PARM1: variants seen among roughly 807,000 people sequenced by gnomAD.
The protein encoded by PARM1 is prostate androgen-regulated mucin-like protein 1, also known as WSC4, cell wall integrity and stress response component 4 homolog.
Under a neutral mutation model 24.6 loss-of-function variants are expected in PARM1, and 14 were observed. That is an observed-to-expected ratio of 0.57 (90% CI 0.38 to 0.89). PARM1 has a LOEUF of 0.89. Among genes scored for constraint, PARM1 ranks in the 40% least tolerant of loss-of-function variants. The pLI is 0.00. For synonymous variants in PARM1, 179 were observed against 156.6 expected, an observed-to-expected ratio of 1.14 and a Z score of -1.07; for missense variants, 362 against 380.4, an observed-to-expected ratio of 0.95 and a Z score of 0.40.
intron 1 of PARM1, among the ~76,000 whole-genome samples, chr4:75,005,295 A>T (rs1017344459): frequency 2.0e-5 from 3 of 152,230 alleles, no homozygotes; most frequent in African/African-American, 7.2e-5. Flanking sequence ...AAGTTTGCCA[A>T]AGCTTTGCCA....
At chr4:74,954,454 G>T (rs1199706523) in intron 1 of PARM1, among the ~76,000 whole-genome samples, 1 of 152,160 alleles carries the variant, frequency 6.6e-6, no homozygotes, top group Non-Finnish European at 1.5e-5. Flanking sequence ...AGGACTTACT[G>T]CAAAGTTTCT....
chr4:74,993,537 A>G (rs1311264161), intron 1 of PARM1, among the ~76,000 whole-genome samples: 2 of 152,206 alleles, frequency 1.3e-5, no homozygotes, highest in Admixed American at 6.5e-5. Context: ...TTATGCAGCC[A>G]TGTATAACTG....
intron 1 of PARM1, among the ~76,000 whole-genome samples, chr4:74,936,446 TTTGTTTG>T (rs386676132): frequency 1.7e-5 from 2 of 117,892 alleles, no homozygotes; most frequent in African/African-American, 2.7e-5. Flanking sequence ...GTGTTTTTTT[TTTGTTTG>T]TTTTTTTGTT....
At chr4:75,020,756 G>C (rs796631952) in intron 2 of PARM1, among the ~76,000 whole-genome samples, 5 of 152,232 alleles carry the variant, frequency 3.3e-5, no homozygotes, top group African/African-American at 1.2e-4. Flanking sequence ...GAGCGCCTGT[G>C]TCTCCCTCTT....
intron 1 of PARM1, among the ~76,000 whole-genome samples, chr4:74,989,631 C>A (rs1722425179): frequency 6.6e-6 from 1 of 152,052 alleles, no homozygotes; most frequent in Non-Finnish European, 1.5e-5. Context: ...AATCATTGGC[C>A]ACTGATGATC....
At chr4:74,950,964 G>A (rs377056917) in intron 1 of PARM1, among the ~76,000 whole-genome samples, 1 of 152,230 alleles carries the variant, frequency 6.6e-6, no homozygotes, top group East Asian at 1.9e-4. Context: ...AGGAACGGAG[G>A]AAAGGATGGA....
chr4:75,019,820 G>T (rs911676413), intron 2 of PARM1, among the ~76,000 whole-genome samples: 1 of 151,036 alleles, frequency 6.6e-6, no homozygotes, highest in Non-Finnish European at 1.5e-5. Flanking sequence ...TGGCTAACAA[G>T]GTGAAACCCC....
chr4:74,952,620 G>A (rs992525273), intron 1 of PARM1, among the ~76,000 whole-genome samples: 19 of 152,116 alleles, frequency 1.2e-4, no homozygotes, highest in African/African-American at 4.6e-4. Context: ...TAAGGAAGGG[G>A]TCCAGTTTCA....
At chr4:74,956,653 A>G (rs1207073060) in intron 1 of PARM1, 1 of 152,156 alleles carries the variant, frequency 6.6e-6, no homozygotes, top group Non-Finnish European at 1.5e-5. Context: ...TGTGAGAGAG[A>G]TTTAGCACAA....
At chr4:75,002,156 A>C (rs1028537162) in intron 1 of PARM1, among the ~76,000 whole-genome samples, 2 of 152,210 alleles carry the variant, frequency 1.3e-5, no homozygotes, top group East Asian at 3.9e-4. Context: ...TCAGGAAAAG[A>C]AGTGGACAAG....
At chr4:75,013,321 AT>A (rs1722917513) in intron 2 of PARM1, among the ~76,000 whole-genome samples, 171 bp downstream of exon 2, 1 of 152,220 alleles carries the variant, frequency 6.6e-6, no homozygotes, top group East Asian at 1.9e-4. Context: ...TCACTTAACA[AT>A]TTTCATGATT....
intron 1 of PARM1, among the ~76,000 whole-genome samples, chr4:74,966,106 A>G (rs924275967): frequency 2.0e-5 from 3 of 152,236 alleles, no homozygotes; most frequent in African/African-American, 7.2e-5. Context: ...TTAAAGGTAA[A>G]GCCTCAAAAC....
intron 1 of PARM1, among the ~76,000 whole-genome samples, chr4:74,972,144 G>A (rs1722050987): frequency 6.6e-6 from 1 of 152,214 alleles, no homozygotes; most frequent in African/African-American, 2.4e-5. Context: ...GTGGAGCAGT[G>A]CTGCCCACAT....
chr4:75,022,906 T>G (rs977316172), intron 2 of PARM1, among the ~76,000 whole-genome samples: 1 of 152,216 alleles, frequency 6.6e-6, no homozygotes, highest in African/African-American at 2.4e-5. Flanking sequence ...GTGCATATAA[T>G]AGATGCTAAC....
chr4:74,985,878 C>CCAGCCT (rs991421537), intron 1 of PARM1, among the ~76,000 whole-genome samples: 1 of 152,158 alleles, frequency 6.6e-6, no homozygotes, highest in Admixed American at 6.5e-5. Context: ...AAGTGATTCT[C>CCAGCCT]CAGCCTCAGC....
chr4:74,964,577 A>ACACACACACT (rs377411929), intron 1 of PARM1, among the ~76,000 whole-genome samples: 1,768 of 152,034 alleles, frequency 0.012, 26 homozygotes, highest in African/African-American at 0.04. Context: ...ACACACACAC[A>ACACACACACT]CATTGCATCC....
chr4:75,046,350 GC>G lies in PARM1; in HGVS notation c.*106del. On this transcript the variant is annotated 3_prime_UTR_variant, in exon 4 of 4. Transcript: ENST00000307428. ...GATGCGCATTGAACGACAATCTTAA[GC>G]CCTGTTTTGTTGGTATGGTTGTTTT... The G allele has an allele frequency of 1.4e-6, 1 of 740,142 alleles. No individual in the cohort carries two copies. The allele number at this position is 740,142 out of a possible 1,614,324, so 45.8% of individuals were successfully genotyped here. A position where few individuals can be genotyped will look rare whatever the true frequency, so the allele number is the denominator to read the frequency against.
At chr4:74,979,869 C>T (rs749355694) in intron 1 of PARM1, among the ~76,000 whole-genome samples, 1 of 152,160 alleles carries the variant, frequency 6.6e-6, no homozygotes, top group East Asian at 1.9e-4. Context: ...ACAAAAACCA[C>T]ATGATTATCT....
intron 2 of PARM1, among the ~76,000 whole-genome samples, chr4:75,020,822 C>T (rs745677401): frequency 9.2e-5 from 14 of 152,200 alleles, no homozygotes; most frequent in Non-Finnish European, 1.0e-4. Context: ...CAACCCATCA[C>T]TTCACCTGGT....
Sources: allele counts gnomAD v4.1 joint callset (sites outside exome capture counted in the v4.1 genomes callset), GRCh38; gene constraint gnomAD v4.1.1; transcripts MANE v1.5; gene names NCBI Gene and HGNC (gene_info 2026-07-23, HGNC 2026-07-21).